The following DLG1 variants were observed in gnomAD, a reference collection of about 807,000 sequenced individuals.
DLG1 encodes discs large MAGUK scaffold protein 1.
DLG1 carries 42 observed loss-of-function variants against 123.4 expected under a neutral mutation model. That is an observed-to-expected ratio of 0.34 (90% CI 0.27 to 0.44). The LOEUF is 0.44. DLG1 is among the 20% of genes least tolerant of loss of function. The probability of loss-of-function intolerance (pLI) is 1.00; values close to 1 mark genes in which losing one functional copy is unlikely to be tolerated. For missense variants in DLG1, 942 were observed against 1,082.6 expected, an observed-to-expected ratio of 0.87 and a Z score of 1.82; for synonymous variants, 317 against 356.2, an observed-to-expected ratio of 0.89 and a Z score of 1.24.
intron 14 of DLG1, among the ~76,000 whole-genome samples, chr3:197,097,407 A>G (rs1579098097): frequency 6.6e-6 from 1 of 152,190 alleles, no homozygotes; most frequent in South Asian, 2.1e-4. Flanking sequence ...TGTAGCTGTT[A>G]ATACCTTGTT....
At chr3:197,172,433 A>T (rs62283563) in intron 5 of DLG1, among the ~76,000 whole-genome samples, 20,674 of 152,180 alleles carry the variant, frequency 0.14, 1,774 homozygotes, top group South Asian at 0.35. Context: ...TGCATTTTGG[A>T]TAATTATATT....
intron 5 of DLG1, among the ~76,000 whole-genome samples, chr3:197,165,876 A>G (rs1394160172): frequency 6.6e-6 from 1 of 152,252 alleles, no homozygotes; most frequent in Non-Finnish European, 1.5e-5. Context: ...TGCTGACATA[A>G]TTGAGAGAAG....
intron 4 of DLG1, among the ~76,000 whole-genome samples, chr3:197,265,781 G>A (rs113259968): frequency 0.12 from 18,072 of 152,254 alleles, 1,158 homozygotes; most frequent in Middle Eastern, 0.14. Context: ...GCCAGGCGCG[G>A]TGGCTCACAC....
chr3:197,279,670 C>T (rs867260208), intron 4 of DLG1, among the ~76,000 whole-genome samples: 26 of 152,074 alleles, frequency 1.7e-4, no homozygotes, highest in Non-Finnish European at 1.0e-4. Context: ...GGTGTAGAAA[C>T]CAGAGCTGCA....
intron 4 of DLG1, among the ~76,000 whole-genome samples, chr3:197,254,237 A>T (rs1165671571): frequency 1.3e-5 from 2 of 152,238 alleles, no homozygotes; most frequent in East Asian, 3.9e-4. Context: ...GCAGGCTGAG[A>T]ATGGGGCTAT....
chr3:197,265,896 A>G (rs1205852136), intron 4 of DLG1, among the ~76,000 whole-genome samples: 1 of 152,114 alleles, frequency 6.6e-6, no homozygotes, highest in African/African-American at 2.4e-5. Context: ...CCAAAAATAC[A>G]AAAATTAGCC....
At chr3:197,061,873 T>C (rs1298984733) in intron 22 of DLG1, among the ~76,000 whole-genome samples, 2 of 152,226 alleles carry the variant, frequency 1.3e-5, no homozygotes, top group African/African-American at 4.8e-5. Flanking sequence ...TTTTTACCTT[T>C]GTAACTGATA....
intron 4 of DLG1, among the ~76,000 whole-genome samples, chr3:197,234,541 TG>T (rs1744941375): frequency 6.6e-6 from 1 of 152,188 alleles, no homozygotes; most frequent in Non-Finnish European, 1.5e-5. Flanking sequence ...CATTATAATA[TG>T]GACAGACAAG....
At chr3:197,205,291 G>C (rs1386159563) in intron 4 of DLG1, among the ~76,000 whole-genome samples, 1 of 151,874 alleles carries the variant, frequency 6.6e-6, no homozygotes, top group East Asian at 1.9e-4. Context: ...ATAAAGCCCT[G>C]AAACAATAAT....
intron 5 of DLG1, chr3:197,183,480 C>T: frequency 1.8e-6 from 2 of 1,140,916 alleles, no homozygotes; most frequent in East Asian, 5.2e-5. Flanking sequence ...GGTTTCAAGG[C>T]TATTCTTTAA....
chr3:197,061,428 TTACA>T (rs1370121854), intron 22 of DLG1, among the ~76,000 whole-genome samples: 4 of 152,238 alleles, frequency 2.6e-5, no homozygotes, highest in Non-Finnish European at 4.4e-5. Context: ...ATGGCATCTC[TTACA>T]TAATCACAAT....
chr3:197,072,703 CAAAA>C (rs1212109144), intron 18 of DLG1, among the ~76,000 whole-genome samples: 1 of 142,028 alleles, frequency 7.0e-6, no homozygotes, highest in Non-Finnish European at 1.6e-5. Context: ...AACAAAAAAA[CAAAA>C]AAAAAACCTG....
At chr3:197,090,833 A>T (rs1757358343) in intron 15 of DLG1, 79 bp downstream of exon 15, 1 of 824,248 alleles carries the variant, frequency 1.2e-6, no homozygotes, top group Non-Finnish European at 1.9e-6. Flanking sequence ...AAAACTAAGT[A>T]AGTTATAGTG....
intron 4 of DLG1, among the ~76,000 whole-genome samples, chr3:197,230,636 G>A (rs947397911): frequency 1.3e-5 from 2 of 152,242 alleles, no homozygotes; most frequent in East Asian, 3.9e-4. Flanking sequence ...ATTCCTAGAT[G>A]ATTTTGACAT....
At chr3:197,240,291 C>T (rs1244109792) in intron 4 of DLG1, among the ~76,000 whole-genome samples, 1 of 152,194 alleles carries the variant, frequency 6.6e-6, no homozygotes, top group Non-Finnish European at 1.5e-5. Flanking sequence ...CTGGGACATC[C>T]CCTTTGGAAT....
intron 5 of DLG1, among the ~76,000 whole-genome samples, chr3:197,168,619 T>TTTTGG (rs1802545762): frequency 6.6e-6 from 1 of 152,224 alleles, no homozygotes; most frequent in Admixed American, 6.5e-5. Context: ...AACCATTATA[T>TTTTGG]TTTGGTTATT....
chr3:197,138,267 C>A lies in DLG1; in HGVS notation c.838G>T (p.Val280Leu). ...VRLYVKRRKPVSEKIMEIKLI... is the reference protein window; with the variant it reads ...VRLYVKRRKPLSEKIMEIKLI... ...TTTATTTCCATTATTTTTTCTGACA[C>A]TGGTTTCCTTCTTTTTACATACAAG... is the stretch of plus-strand genomic sequence containing the variant. Residue 280 changes from valine (V) to leucine (L), a missense_variant, in exon 9 of 25, where the codon GTG becomes TTG. By Grantham distance (32) the Val-to-Leu change is conservative (BLOSUM62 1). Coordinates refer to ENST00000667157, the MANE Select transcript of DLG1 (RefSeq NM_001366207.1). 6.2e-7 allele frequency: 1 copy of A among 1,603,398 alleles called. No homozygotes were observed. The highest frequency in any genetic ancestry group is 8.5e-7 in the Non-Finnish European group (1 of 1,173,084).
chr3:197,248,100 T>G (rs1246624301), intron 4 of DLG1, among the ~76,000 whole-genome samples: 2 of 152,198 alleles, frequency 1.3e-5, no homozygotes, highest in African/African-American at 4.8e-5. Context: ...TGAATCTCAT[T>G]CATGCACTTT....
At chr3:197,119,146 A>T (rs973913066) in intron 12 of DLG1, among the ~76,000 whole-genome samples, 3 of 152,322 alleles carry the variant, frequency 2.0e-5, no homozygotes. Flanking sequence ...AGTTTTACTA[A>T]GCTAATTCCT....
Sources: gnomAD v4.1 joint callset for allele counts (sites outside exome capture counted in the v4.1 genomes callset) on GRCh38, gnomAD v4.1.1 for gene constraint, MANE v1.5 for transcripts, NCBI Gene and HGNC (gene_info 2026-07-23, HGNC 2026-07-21) for gene names.